MID1: variants seen among roughly 807,000 people sequenced by gnomAD.
MID1 encodes midline 1, also known as E3 ubiquitin-protein ligase Midline-1.
Under a neutral mutation model 40.4 loss-of-function variants are expected in MID1, and 7 were observed. That is an observed-to-expected ratio of 0.17 (90% CI 0.10 to 0.33). MID1 has a LOEUF of 0.33. Among genes scored for constraint, MID1 ranks in the 10% least tolerant of loss-of-function variants. The pLI is 1.00. For synonymous variants in MID1, 229 were observed against 221.2 expected, an observed-to-expected ratio of 1.04 and a Z score of -0.31; for missense variants, 367 against 558.5, an observed-to-expected ratio of 0.66 and a Z score of 3.46.
intron 1 of MID1, among the ~76,000 whole-genome samples, chrX:10,791,021 C>T (rs781459904): frequency 8.9e-6 from 1 of 112,614 alleles, no homozygotes; most frequent in South Asian, 3.7e-4. Context: ...AGGCAATATC[C>T]TTGCTGAAGA....
In MID1 at chrX:10,785,305, T is replaced by G. The variant is rs367817090; in HGVS notation, c.-187+48249A>C. ...AGGAGAACTACAAACCACTGCTCAA[T>G]GAAATAAAAGAGGACACAAACAAAT... On this transcript the variant is annotated intron_variant, in intron 1 of 10. Transcript: ENST00000380785. Among the ~76,000 whole-genome samples, 160 of 109,756 alleles carry G rather than the reference T, an allele frequency of 1.5e-3. 1 individual carries two copies. In the East Asian group the frequency reaches 0.039, roughly 27 times the overall value.
At chrX:10,635,982 A>C (rs1428349520) in intron 1 of MID1, among the ~76,000 whole-genome samples, 1 of 112,189 alleles carries the variant, frequency 8.9e-6, no homozygotes, top group Admixed American at 9.5e-5. Flanking sequence ...AGAGGCAACA[A>C]AACCATTTTT....
chrX:10,533,437 G>C (rs865837871), intron 2 of MID1, among the ~76,000 whole-genome samples: 1 of 74,400 alleles, frequency 1.3e-5, no homozygotes, highest in Non-Finnish European at 2.6e-5. Flanking sequence ...GAAAGAAAGA[G>C]AAAGAAAAGA....
At chrX:10,572,777 A>G (rs927748009) in intron 1 of MID1, among the ~76,000 whole-genome samples, 2 of 112,066 alleles carry the variant, frequency 1.8e-5, no homozygotes, top group Non-Finnish European at 3.8e-5. Context: ...GGATCTAGAT[A>G]ATCTTGAGAG....
At position 10,562,105 on chromosome X, in the gene MID1, C is replaced by T. The variant is rs1388417956; in HGVS notation, c.660+4783G>A. Among the ~76,000 whole-genome samples, 6 of 105,659 alleles carry T rather than the reference C, an allele frequency of 5.7e-5. 2 individuals carry two copies. Among genetic ancestry groups the T allele is most frequent in the African/African-American group, 2.3e-4 (6 of 26,214 alleles). The allele number at this position is 105,659 out of a possible 115,157, so 91.8% of individuals were successfully genotyped here. ...CGAAGCTGGAACCCATCATTCTCAG[C>T]AAAGTAACACAGAAACAGAAAACCA... On this transcript the variant is annotated intron_variant, in intron 2 of 9. Transcript: ENST00000317552.
chrX:10,643,977 G>A (rs1936234142), intron 1 of MID1, among the ~76,000 whole-genome samples: 1 of 110,144 alleles, frequency 9.1e-6, no homozygotes, highest in Admixed American at 9.7e-5. Context: ...GACACAGGGT[G>A]GGGAACATCA....
chrX:10,505,933 G>A (rs1417253118), intron 3 of MID1: 8 of 753,236 alleles, frequency 1.1e-5, no homozygotes, highest in Non-Finnish European at 1.3e-5. Context: ...GCAAAGTTCT[G>A]GAAAATGAAC....
chrX:10,658,385 G>A (rs1168369962), intron 1 of MID1, among the ~76,000 whole-genome samples: 6 of 84,139 alleles, frequency 7.1e-5, no homozygotes, highest in African/African-American at 2.9e-4. Context: ...GTTGAGCAGC[G>A]GCCCACAAAA....
chrX:10,633,082 A>G (rs781441251), intron 1 of MID1, among the ~76,000 whole-genome samples: 22 of 111,752 alleles, frequency 2.0e-4, no homozygotes, highest in Non-Finnish European at 3.8e-4. Flanking sequence ...CCTCTTTGGC[A>G]TAATAATTAT....
intron 2 of MID1, among the ~76,000 whole-genome samples, chrX:10,536,507 A>T (rs1389610879): frequency 1.8e-5 from 2 of 112,854 alleles, no homozygotes; most frequent in African/African-American, 3.2e-5. Context: ...GCGGAAGTCA[A>T]ATAATAAATG....
intron 1 of MID1, among the ~76,000 whole-genome samples, chrX:10,650,089 G>T (rs1166543898): frequency 9.0e-6 from 1 of 110,933 alleles, no homozygotes; most frequent in Non-Finnish European, 1.9e-5. Context: ...TGTCACTTGG[G>T]GATAAAAAGC....
chrX:10,698,037 C>A (rs1407908731), intron 1 of MID1, among the ~76,000 whole-genome samples: 1 of 112,415 alleles, frequency 8.9e-6, no homozygotes, highest in East Asian at 2.8e-4. Flanking sequence ...GTGGGCTTCC[C>A]CAATTATTTC....
chrX:10,521,875 T>G (rs772946243), intron 3 of MID1, among the ~76,000 whole-genome samples: 4 of 112,558 alleles, frequency 3.6e-5, no homozygotes, highest in African/African-American at 1.3e-4. Flanking sequence ...GGTCTCACTC[T>G]GTCGCCTAGG....
intron 1 of MID1, among the ~76,000 whole-genome samples, chrX:10,772,573 T>C (rs1163114854): frequency 9.2e-6 from 1 of 109,054 alleles, no homozygotes; most frequent in Non-Finnish European, 1.9e-5. Context: ...ATAAAAAATT[T>C]TTAAAAAATG....
chrX:10,754,315 TGTTTTTTG>T (rs1569162385), intron 1 of MID1, among the ~76,000 whole-genome samples: 3 of 106,942 alleles, frequency 2.8e-5, no homozygotes, highest in African/African-American at 1.1e-4. Flanking sequence ...TTTTGTTTTT[TGTTTTTTG>T]TTTTTTTTGT....
intron 3 of MID1, chrX:10,505,278 CT>C (rs1931773375): frequency 1.5e-6 from 1 of 666,130 alleles, no homozygotes; most frequent in African/African-American, 2.4e-5. Flanking sequence ...AATGTTTTTC[CT>C]AGGCTACACT....
At chrX:10,748,116 G>A (rs2043572294) in intron 1 of MID1, among the ~76,000 whole-genome samples, 1 of 110,579 alleles carries the variant, frequency 9.0e-6, no homozygotes, top group Non-Finnish European at 1.9e-5. Context: ...ATATATTTTT[G>A]TTGACAACTG....
intron 1 of MID1, among the ~76,000 whole-genome samples, chrX:10,685,858 C>A (rs1287675813): frequency 8.2e-5 from 8 of 97,120 alleles, no homozygotes; most frequent in South Asian, 1.0e-3. Flanking sequence ...CCCCTCGGCC[C>A]CTACACCCCA....
chrX:10,641,444 C>T (rs927330956), intron 1 of MID1, among the ~76,000 whole-genome samples: 1 of 111,846 alleles, frequency 8.9e-6, no homozygotes, highest in Non-Finnish European at 1.9e-5. Context: ...TTCCTGGACA[C>T]ATACATCCTC....
Sources: allele counts gnomAD v4.1 joint callset (sites outside exome capture counted in the v4.1 genomes callset), GRCh38; gene constraint gnomAD v4.1.1; transcripts MANE v1.5; gene names NCBI Gene and HGNC (gene_info 2026-07-23, HGNC 2026-07-21).